Variants in SHANK2 observed in about 807,000 individuals in gnomAD.
The protein encoded by SHANK2 is SH3 and multiple ankyrin repeat domains 2, also known as SH3 and multiple ankyrin repeat domains protein 2.
In SHANK2, 43 loss-of-function variants were observed where a neutral mutation model predicts 133.7. The observed-to-expected ratio is 0.32, with a 90% CI of 0.25 to 0.41. The LOEUF is 0.41. Among genes scored for constraint, SHANK2 ranks in the 10% least tolerant of loss-of-function variants. SHANK2 has a pLI of 1.00. For synonymous variants in SHANK2, 1,017 were observed against 952.8 expected (o/e 1.07, Z -1.24); for missense variants, 1,994 against 2,235.8 (o/e 0.89, Z 2.18).
At chr11:70,701,427 A>G (rs1945518197) in intron 14 of SHANK2, among the ~76,000 whole-genome samples, 1 of 152,076 alleles carries the variant, frequency 6.6e-6, no homozygotes. Flanking sequence ...TTTGAGATGG[A>G]GTCTCACTCT....
At chr11:70,577,781 C>T (rs536245457) in intron 17 of SHANK2, among the ~76,000 whole-genome samples, 7 of 152,304 alleles carry the variant, frequency 4.6e-5, no homozygotes, top group African/African-American at 7.2e-5. Flanking sequence ...GTGTTACAGT[C>T]CCGACCCCCA....
chr11:70,618,900 AG>A (rs1242827321), intron 17 of SHANK2, among the ~76,000 whole-genome samples: 17 of 152,202 alleles, frequency 1.1e-4, no homozygotes, highest in Admixed American at 9.8e-4. Context: ...AGGCGTATCC[AG>A]GGCAGGCGAG....
chr11:71,131,507 G>A (rs1248723447), intron 3 of SHANK2, among the ~76,000 whole-genome samples: 3 of 152,172 alleles, frequency 2.0e-5, no homozygotes, highest in Non-Finnish European at 4.4e-5. Context: ...GTGGCGAAGC[G>A]GTGGGCAGAC....
At chr11:71,155,795 A>G (rs1565484681) in intron 2 of SHANK2, among the ~76,000 whole-genome samples, 1 of 151,370 alleles carries the variant, frequency 6.6e-6, no homozygotes, top group Admixed American at 6.6e-5. Flanking sequence ...TCTGCCACGT[A>G]GCCCCCAGGC....
intron 4 of SHANK2, among the ~76,000 whole-genome samples, chr11:71,114,546 C>T (rs1477873562): frequency 1.3e-5 from 2 of 152,124 alleles, no homozygotes; most frequent in African/African-American, 4.8e-5. Context: ...TTCAACTGGC[C>T]AAATAAACCA....
Position 70,915,105 on chromosome 11 carries a change from A to G in SHANK2, c.1108-18538T>C, listed in dbSNP as rs368416155. ...AGCCGACAGCTATTGGCTGGCAATGACTTTCCAGATGATTTCTGGGTACTG... is the reference window on the plus strand; with the variant it reads ...AGCCGACAGCTATTGGCTGGCAATGGCTTTCCAGATGATTTCTGGGTACTG... On this transcript the variant is annotated intron_variant, in intron 10 of 25. Transcript: ENST00000601538. Among the ~76,000 whole-genome samples the G allele has an allele frequency of 8.6e-4, 131 of 152,216 alleles. 3 individuals carry two copies. In the East Asian group the frequency reaches 0.017, roughly 20 times the overall value.
intron 2 of SHANK2, among the ~76,000 whole-genome samples, chr11:71,159,230 C>T (rs1952963036): frequency 1.3e-5 from 2 of 152,326 alleles, no homozygotes; most frequent in South Asian, 2.1e-4. Flanking sequence ...CACTTCCTTG[C>T]CTTTCTCGCA....
At chr11:70,823,927 TG>T (rs1590727742) in intron 11 of SHANK2, among the ~76,000 whole-genome samples, 1 of 146,508 alleles carries the variant, frequency 6.8e-6, no homozygotes, top group East Asian at 2.1e-4. Flanking sequence ...AGGACAAAGG[TG>T]GCACTAGCAG....
intron 2 of SHANK2, among the ~76,000 whole-genome samples, chr11:71,211,446 G>A (rs1555118879): frequency 6.6e-6 from 1 of 151,854 alleles, no homozygotes; most frequent in Non-Finnish European, 1.5e-5. Flanking sequence ...GCTGAGGCGA[G>A]AGAATCACTT....
chr11:70,606,132 C>A (rs759015221), intron 17 of SHANK2, among the ~76,000 whole-genome samples: 4 of 152,100 alleles, frequency 2.6e-5, no homozygotes, highest in Non-Finnish European at 5.9e-5. Flanking sequence ...TCCAGAGCCA[C>A]CCCAATACCA....
At chr11:70,754,711 T>G (rs1946828371) in intron 14 of SHANK2, among the ~76,000 whole-genome samples, 1 of 152,078 alleles carries the variant, frequency 6.6e-6, no homozygotes, top group Non-Finnish European at 1.5e-5. Context: ...TGACATTACT[T>G]GAATACCATG....
chr11:70,683,862 C>T (rs1190980308), intron 15 of SHANK2, among the ~76,000 whole-genome samples: 1 of 151,954 alleles, frequency 6.6e-6, no homozygotes, highest in Non-Finnish European at 1.5e-5. Flanking sequence ...TGGCTCACTG[C>T]AAACTCCGCC....
At chr11:71,094,113 C>A (rs550313545) in intron 7 of SHANK2, among the ~76,000 whole-genome samples, 2 of 152,030 alleles carry the variant, frequency 1.3e-5, no homozygotes, top group African/African-American at 4.8e-5. Flanking sequence ...ATTGTAACCC[C>A]CAGTGCTGGG....
intron 10 of SHANK2, among the ~76,000 whole-genome samples, chr11:70,930,230 T>C (rs1950483966): frequency 6.6e-6 from 1 of 152,236 alleles, no homozygotes; most frequent in Non-Finnish European, 1.5e-5. Flanking sequence ...TCTGCTTCCC[T>C]GTGGAAGGAA....
chr11:70,556,016 T>C (rs921070830), intron 17 of SHANK2, among the ~76,000 whole-genome samples: 3 of 152,016 alleles, frequency 2.0e-5, no homozygotes, highest in African/African-American at 7.3e-5. Context: ...AAGTGCGAGG[T>C]GAAACAGCAA....
At position 71,206,040 on chromosome 11, in the gene SHANK2, C is replaced by A. The variant is rs1199498955; in HGVS notation, c.-13+18657G>T. On this transcript the variant is annotated intron_variant, in intron 2 of 25. Coordinates refer to ENST00000601538, the MANE Select transcript of SHANK2 (RefSeq NM_012309.5). ...CAGGTCCAATTTCTCTCCGTGTGCC[C>A]CGCGCCAGCCTGCATGGAACCCTCC... 2.6e-4 allele frequency among the ~76,000 whole-genome samples: 39 copies of A among 152,212 alleles called. 2 individuals are homozygous for A. The highest frequency in any genetic ancestry group is 2.5e-3 in the Admixed American group (38 of 15,288).
intron 9 of SHANK2, among the ~76,000 whole-genome samples, chr11:71,057,018 T>G (rs1950929645): frequency 6.6e-6 from 1 of 152,012 alleles, no homozygotes; most frequent in Non-Finnish European, 1.5e-5. Context: ...CAGGAACTTC[T>G]AAATAAAAAA....
rs76255011 is a variant in SHANK2 at position 70,750,905 on chromosome 11, T to C, written c.1777+47538A>G. ...GCTTGATCTCAACCAAGTGCTCATG[T>C]CAACCTATTCCATCGGGTTTAAACA... is the stretch of plus-strand genomic sequence containing the variant. On this transcript the variant is annotated intron_variant, in intron 14 of 25. Coordinates refer to ENST00000601538, the MANE Select transcript of SHANK2 (RefSeq NM_012309.5). Among the ~76,000 whole-genome samples the C allele has an allele frequency of 5.4e-3, 822 of 152,328 alleles. 2 individuals carry two copies. The highest frequency in any genetic ancestry group is 0.01 in the Admixed American group (159 of 15,306).
intron 2 of SHANK2, among the ~76,000 whole-genome samples, chr11:71,183,050 C>T (rs1427125927): frequency 2.0e-5 from 3 of 152,150 alleles, no homozygotes; most frequent in Non-Finnish European, 4.4e-5. Flanking sequence ...CTGGTGAGCT[C>T]ACTTGTTAGC....
Sources: allele counts gnomAD v4.1 joint callset (sites outside exome capture counted in the v4.1 genomes callset), GRCh38; gene constraint gnomAD v4.1.1; transcripts MANE v1.5; gene names NCBI Gene and HGNC (gene_info 2026-07-23, HGNC 2026-07-21).